The following SIGLEC8 variants were observed in gnomAD, a reference collection of about 807,000 sequenced individuals.
SIGLEC8 encodes sialic acid binding Ig like lectin 8.
A neutral mutation model predicts 42.1 loss-of-function variants in SIGLEC8; 32 were observed. The ratio of observed to expected loss-of-function variants is 0.76; its 90% CI spans 0.57 to 1.02. The LOEUF is 1.02. SIGLEC8 is among the 50% of genes least tolerant of loss of function. SIGLEC8 has a pLI of 0.00. For missense variants in SIGLEC8, 611 were observed against 610.2 expected (o/e 1.00, Z -0.01); for synonymous variants, 262 against 260.3 (o/e 1.01, Z -0.06).
rs1258221977 is a variant in SIGLEC8 at position 51,451,166 on chromosome 19, AACTC to A, written c.*1209_*1212del. 8 of 152,094 alleles carry A rather than the reference AACTC, an allele frequency of 5.3e-5. No homozygotes were observed. Among genetic ancestry groups the A allele is most frequent in the African/African-American group, 1.7e-4 (7 of 41,404 alleles). The allele number at this position is 152,094 out of a possible 1,614,324, so 9.4% of individuals were successfully genotyped here. On this transcript the variant is annotated 3_prime_UTR_variant, in exon 7 of 7. Transcript: ENST00000321424. ...TTACAAAACCATCAGATCTCGTGAT[AACTC>A]ACTCACTATCAGAACAGCATGGGGG...
intron 1 of SIGLEC8, 82 bp downstream of exon 1, chr19:51,457,852 C>A: frequency 2.6e-6 from 4 of 1,557,546 alleles, no homozygotes; most frequent in Non-Finnish European, 1.7e-6. Flanking sequence ...CAATCCCAAC[C>A]CCCTCCCAGG....
At chr19:51,457,156 C>T (rs752631548) in intron 3 of SIGLEC8, 28 bp downstream of exon 3, 1 of 1,609,346 alleles carries the variant, frequency 6.2e-7, no homozygotes, top group African/African-American at 1.3e-5. Context: ...CCTGCTCCCC[C>T]AACCCCAGGG....
intron 6 of SIGLEC8, among the ~76,000 whole-genome samples, 154 bp from the exon 7 acceptor site, chr19:51,452,787 C>T (rs958822342): frequency 3.3e-5 from 5 of 152,220 alleles, no homozygotes; most frequent in African/African-American, 7.2e-5. Context: ...ACATTTAACA[C>T]TTACTGAGCA....
intron 6 of SIGLEC8, chr19:51,453,435 T>C (rs1385225348): frequency 1.0e-6 from 1 of 978,444 alleles, no homozygotes; most frequent in Non-Finnish European, 1.2e-6. Context: ...CGGTGGCTCA[T>C]GCCCCTAATC....
chr19:51,455,088 T>A (rs545904653), intron 4 of SIGLEC8, among the ~76,000 whole-genome samples: 1 of 152,264 alleles, frequency 6.6e-6, no homozygotes, highest in African/African-American at 2.4e-5. Context: ...CTGAGTTGGG[T>A]TTTTCTTTGG....
rs981477771 is a variant in SIGLEC8, at chr19:51,452,763, C to T, written c.1246-130G>A. On this transcript the variant is annotated intron_variant, in intron 6 of 6. Coordinates refer to ENST00000321424, the MANE Select transcript of SIGLEC8 (RefSeq NM_014442.3). ...CCTGCATTTTTGTCGAAGTGTCTTT[C>T]ATGCTTTCCTCCAACATTTAACACT... 22 of 803,798 alleles carry T rather than the reference C, an allele frequency of 2.7e-5. No homozygotes were observed. In the African/African-American group the frequency reaches 2.8e-4, roughly 10 times the overall value. The allele number at this position is 803,798 out of a possible 1,614,324, so 49.8% of individuals were successfully genotyped here.
At chr19:51,456,094 G>A (rs946229301) in intron 3 of SIGLEC8, among the ~76,000 whole-genome samples, 13 of 151,338 alleles carry the variant, frequency 8.6e-5, no homozygotes, top group African/African-American at 3.2e-4. Flanking sequence ...GGGAGGGATA[G>A]CATTAGGAGA....
At chr19:51,453,994 G>T (rs559968379) in intron 6 of SIGLEC8, 1 of 985,160 alleles carries the variant, frequency 1.0e-6, no homozygotes, top group East Asian at 1.1e-4. Context: ...AGAAAAGGAG[G>T]ACAGAGAGGA....
chr19:51,452,716 G>A, intron 6 of SIGLEC8, 83 bp from the exon 7 acceptor site: 5 of 1,290,834 alleles, frequency 3.9e-6, no homozygotes, highest in Non-Finnish European at 5.1e-6. Context: ...AGGCCCAGGA[G>A]GTCCGTCCTC....
In SIGLEC8 at chr19:51,458,226, A is replaced by G. The variant is rs772442231; in HGVS notation, c.162T>C (p.Asp54=). 35 of 1,614,002 alleles carry G rather than the reference A, an allele frequency of 2.2e-5. No individual in the cohort carries two copies. The highest frequency in any genetic ancestry group is 2.9e-5 in the Non-Finnish European group (34 of 1,180,030). Residue 54 remains aspartate, a synonymous_variant, in exon 1 of 7, where the codon GAT becomes GAC. Coordinates refer to ENST00000321424, the MANE Select transcript of SIGLEC8 (RefSeq NM_014442.3). ...HVPCSFSYPQ[D]GWTDSDPVHG... ...GAACTGGGTCAGAGTCAGTCCAGCC[A>G]TCCTGGGGGTAGGAGAAGGAGCAGG...
At position 51,452,527 on chromosome 19, in the gene SIGLEC8, C is replaced by G. The variant is rs1179286094; in HGVS notation, c.1352G>C (p.Ser451Thr). 1.9e-6 allele frequency: 3 copies of G among 1,601,162 alleles called. No homozygotes were observed. The African/African-American group carries it at 4.0e-5, about 21-fold the overall frequency. The change falls in exon 7 of 7, where the codon AGC (serine) becomes ACC (threonine). Residue 451 changes from serine to threonine, a missense_variant. Transcript: ENST00000321424. Reference protein sequence around the residue: ...EEGELHYATLSFHKVKPQDPQ... With the variant: ...EEGELHYATLTFHKVKPQDPQ... ...GTCCTGAGGCTTCACTTTATGGAAG[C>G]TGAGGGTTGCATAATGGAGCTCTCC...
chr19:51,457,305 C>T, intron 2 of SIGLEC8, 74 bp from the exon 3 acceptor site: 1 of 1,525,342 alleles, frequency 6.6e-7, no homozygotes, highest in Middle Eastern at 1.8e-4. Flanking sequence ...CCAGGAGCTG[C>T]AAATACAGGG....
rs1229494439 is a variant in SIGLEC8 at position 51,452,599 on chromosome 19, G to A, written c.1280C>T (p.Pro427Leu). 2 of 1,560,394 alleles carry A rather than the reference G, an allele frequency of 1.3e-6. No individual in the cohort carries two copies. Among genetic ancestry groups the A allele is most frequent in the East Asian group, 2.3e-5 (1 of 44,014 alleles). Residue 427 changes from proline (P) to leucine (L), a missense_variant, in exon 7 of 7, where the codon CCC (proline) becomes CTC (leucine). By Grantham distance (98) the Pro-to-Leu change is moderately conservative (BLOSUM62 -3). Transcript: ENST00000321424. ...PLTESWKDGNPLKKPPPAVAP... is the reference protein window; with the variant it reads ...PLTESWKDGNLLKKPPPAVAP... ...AACAGCTGGGGGAGGCTTCTTCAGG[G>A]GGTTGCCATCTTTCCAGGATTCAGT... is the stretch of plus-strand genomic sequence containing the variant.
At position 51,454,396 on chromosome 19, in the gene SIGLEC8, T is replaced by C; in HGVS notation, c.1149-81A>G. On this transcript the variant is annotated intron_variant, in intron 5 of 6. Transcript: ENST00000321424. This position sits in a 1 kb window ranked among gnomAD's most constrained non-coding sequence, Gnocchi z 4.7. ...AGACCAACCCCTGCCCTGTATTTCCTACTGGGGGCTTGAGGGGTGACCGAG... is the reference window on the plus strand; with the variant it reads ...AGACCAACCCCTGCCCTGTATTTCCCACTGGGGGCTTGAGGGGTGACCGAG... The C allele has an allele frequency of 2.5e-6, 4 of 1,610,364 alleles. No individual in the cohort carries two copies. Among genetic ancestry groups the C allele is most frequent in the Non-Finnish European group, 3.4e-6 (4 of 1,179,254 alleles).
In SIGLEC8 at chr19:51,454,111, G is replaced by C. The variant is rs1989431667; in HGVS notation, c.1245+108C>G. ...AGAAGCCGGCCTGTGGGAAGGAGGA[G>C]GAGACGAGGAAGTGACTTTGGCCAT... On this transcript the variant is annotated intron_variant, in intron 6 of 6. Transcript: ENST00000321424. The surrounding 1 kb of genome is among the most constrained non-coding windows in gnomAD (Gnocchi z 4.7). 2 of 1,539,186 alleles carry C rather than the reference G, an allele frequency of 1.3e-6. No individual in the cohort carries two copies. Among genetic ancestry groups the C allele is most frequent in the Non-Finnish European group, 1.7e-6 (2 of 1,143,570 alleles).
Position 51,452,471 on chromosome 19 carries a change from A to T in SIGLEC8, c.1408T>A (p.Tyr470Asn), listed in dbSNP as rs1989387625. ...CGCTTGTGGATCTTGATCTCCGAGTATTCACTGTCAGTGGCCTCCTGTCCC... is the reference window on the plus strand; with the variant it reads ...CGCTTGTGGATCTTGATCTCCGAGTTTTCACTGTCAGTGGCCTCCTGTCCC... The part of the protein sequence containing the change: ...PQGQEATDSE[Y>N]SEIKIHKRET... The change falls in exon 7 of 7, where the codon TAC (tyrosine) becomes AAC (asparagine). Residue 470 changes from tyrosine (Y) to asparagine (N), a missense_variant. Coordinates refer to ENST00000321424, the MANE Select transcript of SIGLEC8 (RefSeq NM_014442.3). 6.2e-7 allele frequency: 1 copy of T among 1,612,710 alleles called. No homozygotes were observed. The highest frequency in any genetic ancestry group is 8.5e-7 in the Non-Finnish European group (1 of 1,178,824).
At chr19:51,453,018 TA>T (rs1401244983) in intron 6 of SIGLEC8, among the ~76,000 whole-genome samples, 3 of 152,130 alleles carry the variant, frequency 2.0e-5, no homozygotes, top group Non-Finnish European at 4.4e-5. Context: ...CGGTGCTGGA[TA>T]AACTATGATG....
intron 3 of SIGLEC8, among the ~76,000 whole-genome samples, chr19:51,456,865 A>G (rs1989506239): frequency 1.3e-5 from 2 of 152,236 alleles, no homozygotes; most frequent in African/African-American, 4.8e-5. Context: ...GCCTGACAAG[A>G]AACTTGAAAG....
At chr19:51,453,494 G>A (rs995939265) in intron 6 of SIGLEC8, 7 of 625,820 alleles carry the variant, frequency 1.1e-5, no homozygotes, top group South Asian at 1.4e-4. Context: ...TCAGGAGTTC[G>A]AGACCAGCTG....
Sources: allele counts gnomAD v4.1 joint callset (sites outside exome capture counted in the v4.1 genomes callset), GRCh38; gene constraint gnomAD v4.1.1; non-coding constraint Gnocchi (gnomAD v3.1); transcripts MANE v1.5; gene names NCBI Gene and HGNC (gene_info 2026-07-23, HGNC 2026-07-21).